The following CDH13 variants were observed in gnomAD, a reference collection of about 807,000 sequenced individuals.
CDH13 encodes the protein cadherin 13.
CDH13 carries 24 observed loss-of-function variants against 63.8 expected under a neutral mutation model. That is an observed-to-expected ratio of 0.38 (90% CI 0.27 to 0.53). The LOEUF (loss-of-function observed/expected upper bound fraction) is 0.53. Among genes scored for constraint, CDH13 ranks in the 20% least tolerant of loss-of-function variants. The probability of loss-of-function intolerance (pLI) is 0.85; values close to 1 mark genes in which losing one functional copy is unlikely to be tolerated. For missense variants in CDH13, 1,049 were observed against 903.1 expected (o/e 1.16, Z -2.07); for synonymous variants, 503 against 355.3 (o/e 1.42, Z -4.67).
At chr16:83,269,908 T>C (rs2088749421) in intron 5 of CDH13, among the ~76,000 whole-genome samples, 1 of 152,218 alleles carries the variant, frequency 6.6e-6, no homozygotes, top group African/African-American at 2.4e-5. Context: ...TGCATTTCTA[T>C]GCTAAGTTAA....
intron 10 of CDH13, among the ~76,000 whole-genome samples, chr16:83,739,514 C>T (rs1911861575): frequency 6.6e-6 from 1 of 151,994 alleles, no homozygotes; most frequent in South Asian, 2.1e-4. Flanking sequence ...TGTGGGCCTT[C>T]CTGGCAAATC....
At chr16:83,239,916 G>A (rs1567531291) in intron 5 of CDH13, among the ~76,000 whole-genome samples, 1 of 152,138 alleles carries the variant, frequency 6.6e-6, no homozygotes, top group Non-Finnish European at 1.5e-5. Flanking sequence ...TATACATGAT[G>A]ATCAGAGATG....
At chr16:83,113,579 C>T (rs552804244) in intron 3 of CDH13, among the ~76,000 whole-genome samples, 3 of 152,346 alleles carry the variant, frequency 2.0e-5, no homozygotes, top group Admixed American at 2.0e-4. Context: ...ACTGACGACA[C>T]AGTGGCACTG....
chr16:83,145,394 A>G (rs554106701), intron 4 of CDH13, among the ~76,000 whole-genome samples: 6 of 152,334 alleles, frequency 3.9e-5, no homozygotes, highest in African/African-American at 1.2e-4. Context: ...AGCTTATGCA[A>G]TTTTGAAGAC....
intron 4 of CDH13, among the ~76,000 whole-genome samples, chr16:83,205,398 ACTC>A (rs2039153739): frequency 6.6e-6 from 1 of 151,610 alleles, no homozygotes; most frequent in Non-Finnish European, 1.5e-5. Context: ...CCCAAAGATG[ACTC>A]CTCCTCCTCC....
At chr16:83,152,025 T>A (rs2037004809) in intron 4 of CDH13, among the ~76,000 whole-genome samples, 1 of 151,630 alleles carries the variant, frequency 6.6e-6, no homozygotes, top group Non-Finnish European at 1.5e-5. Flanking sequence ...AAAAAAAGAA[T>A]ATTTAGGATT....
intron 7 of CDH13, among the ~76,000 whole-genome samples, chr16:83,592,327 TTACG>T (rs1906838324): frequency 6.6e-6 from 1 of 152,226 alleles, no homozygotes; most frequent in Non-Finnish European, 1.5e-5. Flanking sequence ...TCATCTGACC[TTACG>T]TACTTGCCTT....
intron 4 of CDH13, among the ~76,000 whole-genome samples, chr16:83,204,669 G>A (rs138011965): frequency 6.6e-6 from 1 of 152,152 alleles, no homozygotes; most frequent in Non-Finnish European, 1.5e-5. Context: ...TAAATACTGT[G>A]TGTGTTAATC....
At chr16:83,039,433 T>A (rs952481555) in intron 3 of CDH13, among the ~76,000 whole-genome samples, 9 of 152,162 alleles carry the variant, frequency 5.9e-5, no homozygotes, top group Non-Finnish European at 8.8e-5. Flanking sequence ...TCGCCTCTTG[T>A]CCCCATCCCA....
chr16:83,163,357 A>C (rs1369071276), intron 4 of CDH13, among the ~76,000 whole-genome samples: 1 of 151,984 alleles, frequency 6.6e-6, no homozygotes, highest in Non-Finnish European at 1.5e-5. Flanking sequence ...CATCTCTTCC[A>C]CTGGGATGTC....
At chr16:82,921,274 C>T (rs2042145763) in intron 2 of CDH13, among the ~76,000 whole-genome samples, 1 of 152,176 alleles carries the variant, frequency 6.6e-6, no homozygotes, top group Non-Finnish European at 1.5e-5. Flanking sequence ...ACACTCTCTC[C>T]AGAAGCTCTC....
At chr16:83,238,444 C>T (rs1212789882) in intron 5 of CDH13, among the ~76,000 whole-genome samples, 2 of 152,172 alleles carry the variant, frequency 1.3e-5, no homozygotes, top group Admixed American at 6.5e-5. Context: ...AATTACCTCC[C>T]ACCAGGTCAC....
chr16:82,926,423 G>A (rs1340724255), intron 2 of CDH13, among the ~76,000 whole-genome samples: 2 of 152,216 alleles, frequency 1.3e-5, no homozygotes, highest in African/African-American at 2.4e-5. Flanking sequence ...TTGGAACACT[G>A]ATTTGCATTA....
chr16:83,100,552 G>T (rs1026481629), intron 3 of CDH13, among the ~76,000 whole-genome samples: 2 of 152,186 alleles, frequency 1.3e-5, no homozygotes, highest in South Asian at 2.1e-4. Context: ...CTCTATTTGT[G>T]CTCCTAGGTG....
chr16:82,784,143 A>T (rs1173109177), intron 1 of CDH13, among the ~76,000 whole-genome samples: 1 of 152,122 alleles, frequency 6.6e-6, no homozygotes, highest in African/African-American at 2.4e-5. Flanking sequence ...AACAGAACAG[A>T]TGTTCTTATC....
intron 3 of CDH13, among the ~76,000 whole-genome samples, chr16:83,076,350 A>G (rs2032833321): frequency 6.6e-6 from 1 of 152,178 alleles, no homozygotes; most frequent in African/African-American, 2.4e-5. Context: ...ATCCATTGCC[A>G]TGGCTTATTC....
At chr16:83,029,392 A>G (rs1916100018) in intron 2 of CDH13, among the ~76,000 whole-genome samples, 1 of 152,216 alleles carries the variant, frequency 6.6e-6, no homozygotes, top group African/African-American at 2.4e-5. Context: ...TGGAGCCCCA[A>G]AGTGGAAATA....
chr16:83,209,181 C>T (rs977295496), intron 4 of CDH13, among the ~76,000 whole-genome samples: 5 of 152,140 alleles, frequency 3.3e-5, no homozygotes, highest in African/African-American at 1.2e-4. Flanking sequence ...CTGTAAAAGG[C>T]ATGCAGTTTA....
At chr16:82,687,950 T>C (rs1915250474) in intron 1 of CDH13, among the ~76,000 whole-genome samples, 1 of 152,152 alleles carries the variant, frequency 6.6e-6, no homozygotes, top group African/African-American at 2.4e-5. Flanking sequence ...TGGGACCGCG[T>C]TCGTAGGACA....
Sources: allele counts gnomAD v4.1 joint callset (sites outside exome capture counted in the v4.1 genomes callset), GRCh38; gene constraint gnomAD v4.1.1; transcripts MANE v1.5; gene names NCBI Gene and HGNC (gene_info 2026-07-23, HGNC 2026-07-21).